SCRG1: variants seen among roughly 807,000 people sequenced by gnomAD.
The protein encoded by SCRG1 is scrapie-responsive protein 1.
In SCRG1, 3 loss-of-function variants were observed where a neutral mutation model predicts 7.7. The ratio of observed to expected loss-of-function variants is 0.39; its 90% CI spans 0.18 to 1.01. The LOEUF (loss-of-function observed/expected upper bound fraction) is 1.01, where lower values mean the gene tolerates loss of function less well. Ranked by LOEUF, SCRG1 falls within the 50% of genes least tolerant of loss-of-function variation. The pLI is 0.36. For synonymous variants in SCRG1, 46 were observed against 41.2 expected, an observed-to-expected ratio of 1.12 and a Z score of -0.44; for missense variants, 110 against 117.2, an observed-to-expected ratio of 0.94 and a Z score of 0.28.
chr4:173,391,841 G>A (rs1739457869), intron 1 of SCRG1, among the ~76,000 whole-genome samples: 1 of 152,204 alleles, frequency 6.6e-6, no homozygotes, highest in African/African-American at 2.4e-5. Context: ...GAGCCCAGGA[G>A]TTTGAGGCTG....
the SCRG1 span, among the ~76,000 whole-genome samples, chr4:173,433,001 A>G: frequency 1.3e-5 from 2 of 152,240 alleles, no homozygotes; most frequent in Non-Finnish European, 2.9e-5. Context: ...TCCCTTTTAC[A>G]GATATCAGAA....
the SCRG1 span, among the ~76,000 whole-genome samples, chr4:173,418,165 C>T: frequency 6.6e-6 from 1 of 152,204 alleles, no homozygotes; most frequent in Non-Finnish European, 1.5e-5. Flanking sequence ...TCCTTCCTTG[C>T]CTTTTCCATA....
chr4:173,441,684 G>A, the SCRG1 span, among the ~76,000 whole-genome samples: 1 of 152,198 alleles, frequency 6.6e-6, no homozygotes, highest in Admixed American at 6.5e-5. Flanking sequence ...CAATTAAGAA[G>A]ATGAATACAA....
the SCRG1 span, among the ~76,000 whole-genome samples, chr4:173,481,265 G>A: frequency 6.6e-6 from 1 of 152,002 alleles, no homozygotes; most frequent in Non-Finnish European, 1.5e-5. Context: ...CATATAAATT[G>A]GTTACTTGCT....
At chr4:173,495,227 C>T in the SCRG1 span, among the ~76,000 whole-genome samples, 1 of 152,236 alleles carries the variant, frequency 6.6e-6, no homozygotes, top group Admixed American at 6.5e-5. Context: ...ATCAAGTTAT[C>T]ATTATCCATT....
the SCRG1 span, among the ~76,000 whole-genome samples, chr4:173,517,002 G>C: frequency 6.6e-6 from 1 of 152,224 alleles, no homozygotes; most frequent in Non-Finnish European, 1.5e-5. Flanking sequence ...TAGCAAGCTG[G>C]GGAAACGAGG....
the SCRG1 span, among the ~76,000 whole-genome samples, chr4:173,483,131 T>C: frequency 2.7e-5 from 2 of 74,248 alleles, no homozygotes; most frequent in South Asian, 5.0e-4. Context: ...ATAATGTATA[T>C]TTTATATATG....
chr4:173,404,879 A>G (rs1412894637), intron 1 of SCRG1, among the ~76,000 whole-genome samples: 5 of 152,226 alleles, frequency 3.3e-5, no homozygotes, highest in Admixed American at 2.6e-4. Context: ...TTTTAAACAA[A>G]CATTTTTATT....
At chr4:173,500,333 A>AG in the SCRG1 span, among the ~76,000 whole-genome samples, 1 of 152,172 alleles carries the variant, frequency 6.6e-6, no homozygotes, top group Non-Finnish European at 1.5e-5. Context: ...GTGCACCCGG[A>AG]GGCCTCCGGC....
chr4:173,502,483 T>C, the SCRG1 span, among the ~76,000 whole-genome samples: 23 of 152,206 alleles, frequency 1.5e-4, no homozygotes, highest in Non-Finnish European at 1.5e-5. This position sits in a 1 kb window ranked among gnomAD's most constrained non-coding sequence, Gnocchi z 4.6. Context: ...AAAGTTCATG[T>C]GACGGAGAGG....
the SCRG1 span, among the ~76,000 whole-genome samples, chr4:173,444,277 A>G: frequency 3.3e-5 from 5 of 152,152 alleles, no homozygotes; most frequent in East Asian, 9.7e-4. Flanking sequence ...CCTGGCCAAG[A>G]GCTTGCTTTT....
At chr4:173,436,421 T>C in the SCRG1 span, among the ~76,000 whole-genome samples, 1 of 152,192 alleles carries the variant, frequency 6.6e-6, no homozygotes, top group African/African-American at 2.4e-5. Flanking sequence ...CAGCCTCTGC[T>C]TCTCAAACTC....
intron 2 of SCRG1, among the ~76,000 whole-genome samples, chr4:173,390,247 C>A (rs572331677): frequency 7.3e-5 from 11 of 151,438 alleles, no homozygotes; most frequent in Admixed American, 3.3e-4. Flanking sequence ...AGTTTCACCA[C>A]GTATACTTGT....
the SCRG1 span, among the ~76,000 whole-genome samples, chr4:173,483,126 G>C: frequency 3.1e-5 from 2 of 63,866 alleles, no homozygotes; most frequent in Admixed American, 5.0e-4. Flanking sequence ...TATATATAAT[G>C]TATATTTTAT....
chr4:173,424,817 G>T, the SCRG1 span, among the ~76,000 whole-genome samples: 1 of 151,642 alleles, frequency 6.6e-6, no homozygotes, highest in African/African-American at 2.4e-5. Flanking sequence ...GCTGAGACAG[G>T]ATAATTACTT....
rs959111016 is a variant in SCRG1 at position 173,385,041 on chromosome 4, T to C, written c.*3300A>G. ...CAATTGCTCACTGATAATGTAAACT[T>C]AGACAAACTACTTAATATCTTTAAA... is the stretch of plus-strand genomic sequence containing the variant. On this transcript the variant is annotated 3_prime_UTR_variant, in exon 3 of 3. Transcript: ENST00000296506. 1.3e-5 allele frequency: 2 copies of C among 152,174 alleles called. No individual in the cohort carries two copies. Among genetic ancestry groups the C allele is most frequent in the Admixed American group, 1.3e-4 (2 of 15,266 alleles). The allele number at this position is 152,174 out of a possible 1,614,324, so 9.4% of individuals were successfully genotyped here.
At chr4:173,474,173 GA>G in the SCRG1 span, among the ~76,000 whole-genome samples, 3 of 148,202 alleles carry the variant, frequency 2.0e-5, no homozygotes, top group East Asian at 3.9e-4. Flanking sequence ...TCCATCTCAA[GA>G]AAAAAAAAAG....
upstream of SCRG1, among the ~76,000 whole-genome samples, chr4:173,406,661 C>T (rs1195615159): frequency 6.6e-6 from 1 of 152,126 alleles, no homozygotes; most frequent in East Asian, 1.9e-4. Context: ...CTCCTGGCAG[C>T]CATTGATCTT....
the SCRG1 span, among the ~76,000 whole-genome samples, chr4:173,507,602 CT>C: frequency 6.6e-6 from 1 of 152,100 alleles, no homozygotes; most frequent in African/African-American, 2.4e-5. The surrounding 1 kb of genome is among the most constrained non-coding windows in gnomAD (Gnocchi z 4.4). Context: ...CCCCTACCTG[CT>C]TGAAAGGGGG....
Sources: allele counts gnomAD v4.1 joint callset (sites outside exome capture counted in the v4.1 genomes callset), GRCh38; gene constraint gnomAD v4.1.1; non-coding constraint Gnocchi (gnomAD v3.1); transcripts MANE v1.5; gene names NCBI Gene and HGNC (gene_info 2026-07-23, HGNC 2026-07-21).